Variants in NIBAN1 observed in about 807,000 individuals in gnomAD.
NIBAN1 encodes the protein niban apoptosis regulator 1.
Under a neutral mutation model 75.1 loss-of-function variants are expected in NIBAN1, and 81 were observed. The ratio of observed to expected loss-of-function variants is 1.08; its 90% CI spans 0.90 to 1.30. The LOEUF (loss-of-function observed/expected upper bound fraction) is 1.30. NIBAN1 is among the 50% of genes most tolerant of loss of function. NIBAN1 has a pLI of 0.00. For missense variants in NIBAN1, 1,133 were observed against 1,128.1 expected (o/e 1.00, Z -0.06); for synonymous variants, 436 against 424.8 (o/e 1.03, Z -0.32).
chr1:184,924,165 A>G (rs1039517012), intron 1 of NIBAN1, among the ~76,000 whole-genome samples: 1 of 151,948 alleles, frequency 6.6e-6, no homozygotes, highest in African/African-American at 2.4e-5. Flanking sequence ...TCTTAGAGGA[A>G]AGGATTTCAT....
chr1:184,819,020 A>T (rs962011219), intron 8 of NIBAN1, among the ~76,000 whole-genome samples, 195 bp from the exon 9 acceptor site: 1 of 152,126 alleles, frequency 6.6e-6, no homozygotes, highest in African/African-American at 2.4e-5. Context: ...ACCCTTTCAG[A>T]ACTGGACCAA....
At chr1:184,884,079 A>G (rs1656446293) in intron 5 of NIBAN1, among the ~76,000 whole-genome samples, 1 of 152,190 alleles carries the variant, frequency 6.6e-6, no homozygotes, top group African/African-American at 2.4e-5. Context: ...TTGCAGCCAG[A>G]TAACTGCCCC....
chr1:184,925,141 C>G (rs974963193), intron 1 of NIBAN1, among the ~76,000 whole-genome samples: 1 of 151,742 alleles, frequency 6.6e-6, no homozygotes. Context: ...CTGAATTGAC[C>G]CCTTTATCAT....
At chr1:184,834,635 G>T (rs969125330) in intron 5 of NIBAN1, among the ~76,000 whole-genome samples, 6 of 152,172 alleles carry the variant, frequency 3.9e-5, no homozygotes, top group South Asian at 2.1e-4. Context: ...TCATGTGTCT[G>T]TTGGCTGCAT....
In NIBAN1 at chr1:184,794,787, C is replaced by T. The variant is rs1157487924; in HGVS notation, c.*190G>A. ...TTAAAATACTAAAGCAAAAATTCAT[C>T]GTAGAACAATTCATGTCCACAAAGG... On this transcript the variant is annotated 3_prime_UTR_variant, in exon 14 of 14. Transcript: ENST00000367511. The T allele has an allele frequency of 1.4e-5, 10 of 716,478 alleles. No homozygotes were observed. Among genetic ancestry groups the T allele is most frequent in the African/African-American group, 7.1e-5 (4 of 56,358 alleles). 44.4% of individuals were successfully genotyped at this position (716,478 alleles called of 1,614,324 possible).
intron 5 of NIBAN1, among the ~76,000 whole-genome samples, chr1:184,853,951 C>T (rs984650855): frequency 3.9e-5 from 6 of 152,002 alleles, no homozygotes; most frequent in Admixed American, 3.3e-4. Context: ...GCCATGTATG[C>T]AATTTTAAAT....
At chr1:184,819,621 T>C (rs1654635803) in intron 8 of NIBAN1, among the ~76,000 whole-genome samples, 1 of 152,108 alleles carries the variant, frequency 6.6e-6, no homozygotes, top group African/African-American at 2.4e-5. Context: ...GAAGACGCAA[T>C]GGAGTGAAGG....
intron 5 of NIBAN1, among the ~76,000 whole-genome samples, chr1:184,838,815 G>T (rs772479157): frequency 2.6e-5 from 4 of 152,178 alleles, no homozygotes; most frequent in African/African-American, 7.2e-5. Context: ...TTTGGAAGCT[G>T]CCTTGTTATT....
At chr1:184,889,301 A>G (rs1219623645) in intron 4 of NIBAN1, among the ~76,000 whole-genome samples, 1 of 152,230 alleles carries the variant, frequency 6.6e-6, no homozygotes, top group African/African-American at 2.4e-5. Context: ...GGAGAAACAG[A>G]AACCAGAGCT....
At chr1:184,971,140 G>A (rs1229717286) in intron 1 of NIBAN1, among the ~76,000 whole-genome samples, 1 of 151,942 alleles carries the variant, frequency 6.6e-6, no homozygotes, top group African/African-American at 2.4e-5. Flanking sequence ...ACAATTAGCT[G>A]GGCGTGGTGG....
At chr1:184,869,817 C>T (rs970037574) in intron 5 of NIBAN1, among the ~76,000 whole-genome samples, 2 of 152,180 alleles carry the variant, frequency 1.3e-5, no homozygotes, top group African/African-American at 2.4e-5. Context: ...GCTAGGATTA[C>T]GGGCGTGAGC....
intron 5 of NIBAN1, among the ~76,000 whole-genome samples, chr1:184,877,779 C>G (rs1036521860): frequency 6.6e-6 from 1 of 152,014 alleles, no homozygotes; most frequent in Non-Finnish European, 1.5e-5. Context: ...TATATCCTGT[C>G]TATAAGTAAA....
At chr1:184,960,327 A>C (rs1192014055) in intron 1 of NIBAN1, among the ~76,000 whole-genome samples, 1 of 152,202 alleles carries the variant, frequency 6.6e-6, no homozygotes. Context: ...CCAGATTTTT[A>C]ATTTCCAAGA....
At chr1:184,918,879 T>G (rs142548220) in intron 1 of NIBAN1, among the ~76,000 whole-genome samples, 36 of 152,190 alleles carry the variant, frequency 2.4e-4, no homozygotes, top group African/African-American at 8.7e-4. Context: ...ATTAGCTGTA[T>G]AGTGAGTGTA....
At chr1:184,822,900 T>C (rs1654740847) in intron 8 of NIBAN1, among the ~76,000 whole-genome samples, 1 of 152,028 alleles carries the variant, frequency 6.6e-6, no homozygotes, top group Non-Finnish European at 1.5e-5. Flanking sequence ...GGTGCTACAA[T>C]GGGGGTTGGG....
chr1:184,823,257 T>A lies in NIBAN1; in HGVS notation c.895A>T (p.Arg299Ter). 1 of 1,614,232 alleles carries A rather than the reference T, an allele frequency of 6.2e-7. No homozygotes were observed. The highest frequency in any genetic ancestry group is 8.5e-7 in the Non-Finnish European group (1 of 1,180,020). ...EGLSALKEEC[R>*]ALTKGLEGTI... ...CCTTCCAGGCCCTTTGTCAGAGCTC[T>A]GCATTCCTCCTTCAAGGCACTTAAT... The change falls in exon 8 of 14, where the codon AGA becomes TGA. Residue 299 changes from arginine to a stop codon, truncating the protein, a stop_gained. Transcript: ENST00000367511. LOFTEE classifies it high-confidence loss of function.
At chr1:184,938,967 A>T (rs968607496) in intron 1 of NIBAN1, among the ~76,000 whole-genome samples, 22 of 152,350 alleles carry the variant, frequency 1.4e-4, no homozygotes, top group Admixed American at 1.4e-3. Context: ...CGGTTATGTT[A>T]TCAAACATCC....
intron 12 of NIBAN1, among the ~76,000 whole-genome samples, chr1:184,803,264 G>T (rs1168539930): frequency 1.3e-5 from 2 of 152,198 alleles, no homozygotes; most frequent in Non-Finnish European, 2.9e-5. Flanking sequence ...CCCCTAGTTT[G>T]GCTCAAATTC....
At chr1:184,814,043 A>C (rs1302350930) in intron 9 of NIBAN1, among the ~76,000 whole-genome samples, 1 of 152,258 alleles carries the variant, frequency 6.6e-6, no homozygotes, top group African/African-American at 2.4e-5. Flanking sequence ...AGAGATTATA[A>C]GAACATATGG....
Sources: gnomAD v4.1 joint callset for allele counts (sites outside exome capture counted in the v4.1 genomes callset) on GRCh38, gnomAD v4.1.1 for gene constraint, MANE v1.5 for transcripts, NCBI Gene and HGNC (gene_info 2026-07-23, HGNC 2026-07-21) for gene names.